FADS2: variants seen among roughly 807,000 people sequenced by gnomAD.
FADS2 encodes the protein fatty acid desaturase 2.
In FADS2, 18 loss-of-function variants were observed where a neutral mutation model predicts 61.2. The observed-to-expected ratio is 0.29, with a 90% CI of 0.20 to 0.44. FADS2 has a LOEUF of 0.44. Ranked by LOEUF, FADS2 falls within the 20% of genes least tolerant of loss-of-function variation. The pLI is 1.00. For synonymous variants in FADS2, 203 were observed against 223.9 expected, an observed-to-expected ratio of 0.91 and a Z score of 0.83; for missense variants, 322 against 572.7, an observed-to-expected ratio of 0.56 and a Z score of 4.47.
chr11:61,860,945 CT>C (rs1480120483), intron 7 of FADS2, among the ~76,000 whole-genome samples: 2 of 151,806 alleles, frequency 1.3e-5, no homozygotes, highest in Non-Finnish European at 2.9e-5. Flanking sequence ...TGGTTCACAC[CT>C]GTAATCCTAG....
At chr11:61,825,525 G>A (rs1386049816), upstream of FADS2, among the ~76,000 whole-genome samples, 3 of 151,776 alleles carry the variant, frequency 2.0e-5, no homozygotes, top group Non-Finnish European at 4.4e-5. Flanking sequence ...GGCTGAGGCA[G>A]TAGAACCATT....
intron 5 of FADS2, among the ~76,000 whole-genome samples, chr11:61,853,251 CTCTT>C (rs1231428430): frequency 1.7e-5 from 2 of 116,200 alleles, no homozygotes; most frequent in South Asian, 4.8e-4. Context: ...CTTTCTCTCT[CTCTT>C]TCTTTCTCTC....
intron 4 of FADS2, among the ~76,000 whole-genome samples, chr11:61,841,467 G>C (rs554503779): frequency 5.3e-5 from 8 of 151,482 alleles, no homozygotes; most frequent in African/African-American, 1.9e-4. Flanking sequence ...GGGAGGCTGA[G>C]GCAGGAGAAT....
intron 4 of FADS2, among the ~76,000 whole-genome samples, chr11:61,842,868 G>A (rs565046085): frequency 6.6e-6 from 1 of 152,362 alleles, no homozygotes; most frequent in East Asian, 1.9e-4. Flanking sequence ...TGGCTACAGG[G>A]AGGTCCTCAA....
chr11:61,863,252 G>T, intron 8 of FADS2, 30 bp from the exon 9 acceptor site: 1 of 1,574,712 alleles, frequency 6.4e-7, no homozygotes, highest in Non-Finnish European at 8.7e-7. Flanking sequence ...GCCCCCGGAG[G>T]CCCCTGCGCT....
At chr11:61,853,290 C>CCCTCCCTTCCTTCCTTCCTTCCTT (rs1487391139) in intron 5 of FADS2, among the ~76,000 whole-genome samples, 7 of 81,690 alleles carry the variant, frequency 8.6e-5, no homozygotes, top group African/African-American at 4.3e-4. Context: ...CTCCCTCCCT[C>CCCTCCCTTCCTTCCTTCCTTCCTT]CCTTCCTTCC....
At chr11:61,841,522 G>C (rs1175831216) in intron 4 of FADS2, among the ~76,000 whole-genome samples, 1 of 148,060 alleles carries the variant, frequency 6.8e-6, no homozygotes, top group Non-Finnish European at 1.5e-5. Flanking sequence ...AACATAGTGA[G>C]ACCCCCCCCC....
chr11:61,834,479 C>T (rs750434507), intron 1 of FADS2, among the ~76,000 whole-genome samples: 1 of 152,144 alleles, frequency 6.6e-6, no homozygotes, highest in Non-Finnish European at 1.5e-5. Flanking sequence ...TGCCCATTAC[C>T]CCTGGGCTCA....
At position 61,816,798 on chromosome 11, in the gene FADS2, T is replaced by C; in HGVS notation, c.141+372T>C. ...CGCCGCGCGCCGGGCCAGCAGGGGCTGTCAGGCGCGTGCTCGGGGTCCGCG... is the reference window on the plus strand; with the variant it reads ...CGCCGCGCGCCGGGCCAGCAGGGGCCGTCAGGCGCGTGCTCGGGGTCCGCG... On this transcript the variant is annotated intron_variant, in intron 1 of 11. Coordinates refer to the FADS2 transcript ENST00000257261. The surrounding 1 kb of genome is among the most constrained non-coding windows in gnomAD (Gnocchi z 7.0). 1.3e-6 allele frequency: 2 copies of C among 1,502,514 alleles called. No homozygotes were observed. Among genetic ancestry groups the C allele is most frequent in the Non-Finnish European group, 8.8e-7 (1 of 1,134,656 alleles). 93.1% of individuals were successfully genotyped at this position (1,502,514 alleles called of 1,614,324 possible). A position where few individuals can be genotyped will look rare whatever the true frequency, so the allele number is the denominator to read the frequency against.
In FADS2 at chr11:61,848,266, C is replaced by T. The variant is rs758350373; in HGVS notation, c.726C>T (p.Gly242=). 1.5e-5 allele frequency: 25 copies of T among 1,614,026 alleles called. No homozygotes were observed. The highest frequency in any genetic ancestry group is 3.3e-5 in the South Asian group (3 of 91,094). ...DVNMLHVFVL[G]EWQPIEYGKK... The stretch of plus-strand genomic sequence containing the variant: ...ACATGCTGCACGTGTTTGTTCTGGG[C>T]GAATGGCAGCCCATCGAGGTACGAC... Residue 242 remains glycine (G), a synonymous_variant, in exon 5 of 12, where the codon GGC becomes GGT. Transcript: ENST00000278840.
chr11:61,857,328 C>T, intron 6 of FADS2, 126 bp from the exon 7 acceptor site: 3 of 901,190 alleles, frequency 3.3e-6, no homozygotes, highest in Admixed American at 1.8e-5. Context: ...CCCCGGGGTC[C>T]CTGGCTGCTT....
intron 10 of FADS2, 110 bp downstream of exon 10, chr11:61,863,896 A>C: frequency 2.2e-6 from 2 of 910,174 alleles, no homozygotes; most frequent in Admixed American, 1.9e-5. Context: ...TCTCTCTGAC[A>C]AGGTCTCTGC....
intron 1 of FADS2, chr11:61,817,170 G>T: frequency 2.6e-6 from 1 of 379,808 alleles, no homozygotes; most frequent in Non-Finnish European, 4.6e-6. Context: ...ATGGACTGAG[G>T]GGCCAGGGCT....
intron 1 of FADS2, among the ~76,000 whole-genome samples, chr11:61,817,850 C>G (rs939854798): frequency 3.9e-5 from 6 of 152,226 alleles, no homozygotes; most frequent in African/African-American, 1.4e-4. Flanking sequence ...AAAGCACTTA[C>G]TGTGTGCCAG....
chr11:61,828,187 A>G, upstream of FADS2: 1 of 1,417,012 alleles, frequency 7.1e-7, no homozygotes. This position sits in a 1 kb window ranked among gnomAD's most constrained non-coding sequence, Gnocchi z 6.4. Flanking sequence ...GAAGCCAGGG[A>G]TCCTCCGCCA....
Position 61,865,779 on chromosome 11 carries a change from G to A in FADS2, c.*90G>A, listed in dbSNP as rs192570390. On this transcript the variant is annotated 3_prime_UTR_variant, in exon 12 of 12. Coordinates refer to ENST00000278840, the MANE Select transcript of FADS2 (RefSeq NM_004265.4). The surrounding 1 kb of genome is among the most constrained non-coding windows in gnomAD (Gnocchi z 4.1). Reference sequence around the variant, plus strand: ...GGCTTTTGTTCTGAGGGGTGTCCGAGAGGCTGGTGTATGCACTGCTCACGG... The same window carrying A: ...GGCTTTTGTTCTGAGGGGTGTCCGAAAGGCTGGTGTATGCACTGCTCACGG... 4.8e-4 allele frequency: 555 copies of A among 1,157,200 alleles called. No individual in the cohort carries two copies. The highest frequency in any genetic ancestry group is 6.7e-4 in the Non-Finnish European group (532 of 788,606). 71.7% of individuals were successfully genotyped at this position (1,157,200 alleles called of 1,614,324 possible). A position where few individuals can be genotyped will look rare whatever the true frequency, so the allele number is the denominator to read the frequency against.
chr11:61,822,521 G>C (rs550902586), intron 1 of FADS2, among the ~76,000 whole-genome samples: 1 of 152,286 alleles, frequency 6.6e-6, no homozygotes, highest in South Asian at 2.1e-4. Context: ...TGTTGTCCTT[G>C]CTTCTCTGCG....
intron 4 of FADS2, among the ~76,000 whole-genome samples, chr11:61,844,472 C>T (rs2067239531): frequency 6.6e-6 from 1 of 151,966 alleles, no homozygotes; most frequent in Non-Finnish European, 1.5e-5. Flanking sequence ...TCACTTGAAC[C>T]AGGGAGGTGG....
At chr11:61,826,780 G>T (rs2067089813), upstream of FADS2, among the ~76,000 whole-genome samples, 1 of 152,124 alleles carries the variant, frequency 6.6e-6, no homozygotes, top group Non-Finnish European at 1.5e-5. Flanking sequence ...AGGAAAGGGA[G>T]CCCATCTGCC....
Sources: gnomAD v4.1 joint callset for allele counts (sites outside exome capture counted in the v4.1 genomes callset) on GRCh38, gnomAD v4.1.1 for gene constraint, Gnocchi (gnomAD v3.1) non-coding constraint, MANE v1.5 for transcripts, NCBI Gene and HGNC (gene_info 2026-07-23, HGNC 2026-07-21) for gene names.